The following CSMD3 variants were observed in gnomAD, a reference collection of about 807,000 sequenced individuals.
CSMD3 encodes the protein CUB and sushi domain-containing protein 3.
CSMD3 carries 177 observed loss-of-function variants against 435.2 expected under a neutral mutation model. The observed-to-expected ratio is 0.41, with a 90% CI of 0.36 to 0.46. The LOEUF is 0.46. Ranked by LOEUF, CSMD3 falls within the 20% of genes least tolerant of loss-of-function variation. CSMD3 has a pLI of 0.34. For synonymous variants in CSMD3, 1,656 were observed against 1,520.5 expected, an observed-to-expected ratio of 1.09 and a Z score of -2.07; for missense variants, 4,265 against 4,504.6, an observed-to-expected ratio of 0.95 and a Z score of 1.52.
intron 38 of CSMD3, among the ~76,000 whole-genome samples, chr8:112,355,124 G>T (rs1826470028): frequency 6.6e-6 from 1 of 152,170 alleles, no homozygotes; most frequent in South Asian, 2.1e-4. Context: ...TTAATAAATG[G>T]TGCTAGGATA....
chr8:113,376,466 C>A (rs950409905), intron 1 of CSMD3, among the ~76,000 whole-genome samples: 2 of 151,932 alleles, frequency 1.3e-5, no homozygotes, highest in Non-Finnish European at 2.9e-5. Flanking sequence ...CATTCAAAAA[C>A]TGGGAGGTGA....
At chr8:112,265,326 T>C (rs1816834847) in intron 60 of CSMD3, 85 bp downstream of exon 60, 1 of 949,764 alleles carries the variant, frequency 1.1e-6, no homozygotes, top group African/African-American at 1.7e-5. Flanking sequence ...AAAATTTTAT[T>C]TAAGTATACT....
At chr8:113,144,795 C>A (rs992873528) in intron 4 of CSMD3, among the ~76,000 whole-genome samples, 9 of 151,436 alleles carry the variant, frequency 5.9e-5, no homozygotes, top group Non-Finnish European at 1.0e-4. Context: ...ATGCTGGAAT[C>A]AGAAAACAAT....
chr8:112,746,594 G>A (rs2077430831), intron 13 of CSMD3, among the ~76,000 whole-genome samples: 1 of 151,864 alleles, frequency 6.6e-6, no homozygotes, highest in African/African-American at 2.4e-5. Context: ...GATGTAATTA[G>A]TACCTCTTTC....
At chr8:112,688,459 C>T (rs574215162) in intron 14 of CSMD3, among the ~76,000 whole-genome samples, 2 of 152,160 alleles carry the variant, frequency 1.3e-5, no homozygotes, top group Non-Finnish European at 2.9e-5. Context: ...CAATACAATA[C>T]GTCAAGTTCC....
chr8:112,598,500 C>T (rs1831981626), intron 22 of CSMD3, among the ~76,000 whole-genome samples: 1 of 148,256 alleles, frequency 6.7e-6, no homozygotes, highest in South Asian at 2.2e-4. Context: ...ACTTTCTTCA[C>T]AGAATTGGAA....
intron 13 of CSMD3, among the ~76,000 whole-genome samples, chr8:112,781,518 A>G (rs2078385460): frequency 6.6e-6 from 1 of 152,126 alleles, no homozygotes; most frequent in Non-Finnish European, 1.5e-5. Context: ...CTGGAAGAGA[A>G]TGGCACTAGT....
chr8:113,291,589 G>A (rs920522667), intron 2 of CSMD3, among the ~76,000 whole-genome samples: 3 of 151,814 alleles, frequency 2.0e-5, no homozygotes, highest in Admixed American at 1.3e-4. Flanking sequence ...TCCTTTGAGA[G>A]CATCTCGTTT....
chr8:112,475,728 C>T (rs1818979366), intron 31 of CSMD3, among the ~76,000 whole-genome samples: 1 of 152,060 alleles, frequency 6.6e-6, no homozygotes, highest in African/African-American at 2.4e-5. Context: ...ACAGATTCTC[C>T]TAATATTGGT....
At chr8:112,305,902 A>G in intron 51 of CSMD3, 105 bp downstream of exon 51, 1 of 951,808 alleles carries the variant, frequency 1.1e-6, no homozygotes, top group Non-Finnish European at 1.7e-6. Flanking sequence ...TAGACATCAC[A>G]TTTCAGTTTA....
chr8:112,494,492 CTCCT>C (rs1821058032), intron 30 of CSMD3, among the ~76,000 whole-genome samples: 3 of 76,666 alleles, frequency 3.9e-5, no homozygotes, highest in Non-Finnish European at 1.0e-4. Context: ...GTTTCTTTCT[CTCCT>C]TTCTTTCTTT....
chr8:112,252,894 A>G (rs1815415098), intron 63 of CSMD3, among the ~76,000 whole-genome samples: 1 of 151,630 alleles, frequency 6.6e-6, no homozygotes, highest in Admixed American at 6.6e-5. Context: ...ATTACCCCAA[A>G]TAACATAAAT....
intron 32 of CSMD3, among the ~76,000 whole-genome samples, chr8:112,451,910 T>C (rs566326603): frequency 4.2e-4 from 64 of 152,358 alleles, no homozygotes; most frequent in African/African-American, 1.5e-3. Flanking sequence ...ATTTAGATTT[T>C]TTTAAAACAA....
intron 13 of CSMD3, among the ~76,000 whole-genome samples, chr8:112,792,671 C>T (rs949912832): frequency 6.6e-6 from 1 of 152,060 alleles, no homozygotes; most frequent in Non-Finnish European, 1.5e-5. Context: ...AGTTGTATAG[C>T]TTTAGCTCTT....
chr8:113,010,800 A>G (rs1332062305), intron 6 of CSMD3, among the ~76,000 whole-genome samples: 1 of 151,622 alleles, frequency 6.6e-6, no homozygotes, highest in African/African-American at 2.4e-5. Context: ...TTTAAGTAAG[A>G]CTATCCATGA....
intron 20 of CSMD3, among the ~76,000 whole-genome samples, chr8:112,640,651 T>C (rs2074798343): frequency 6.6e-6 from 1 of 151,306 alleles, no homozygotes. Context: ...TTAGAGGGGG[T>C]CTAAAAATTA....
intron 38 of CSMD3, among the ~76,000 whole-genome samples, chr8:112,361,568 C>CATATATAT (rs1239098509): frequency 2.8e-4 from 10 of 35,594 alleles, no homozygotes; most frequent in Non-Finnish European, 4.2e-4. Flanking sequence ...TATATATACA[C>CATATATAT]ATACATATAT....
chr8:112,502,665 A>C (rs1475912778), intron 30 of CSMD3, among the ~76,000 whole-genome samples: 3 of 135,116 alleles, frequency 2.2e-5, no homozygotes, highest in Admixed American at 7.7e-5. Context: ...TGTATATGTA[A>C]TATTTGATTT....
At chr8:113,243,648 A>G (rs575805761) in intron 3 of CSMD3, among the ~76,000 whole-genome samples, 3 of 152,274 alleles carry the variant, frequency 2.0e-5, no homozygotes, top group African/African-American at 4.8e-5. Flanking sequence ...TTGCTAGATT[A>G]TATGGTAACT....
Sources: gnomAD v4.1 joint callset for allele counts (sites outside exome capture counted in the v4.1 genomes callset) on GRCh38, gnomAD v4.1.1 for gene constraint, MANE v1.5 for transcripts, NCBI Gene and HGNC (gene_info 2026-07-23, HGNC 2026-07-21) for gene names.